The following GMDS variants were observed in gnomAD, a reference collection of about 807,000 sequenced individuals.
GMDS encodes the protein GDP-mannose 4,6 dehydratase.
A neutral mutation model predicts 49.9 loss-of-function variants in GMDS; 20 were observed. The observed-to-expected ratio is 0.40, with a 90% CI of 0.28 to 0.58. The LOEUF (loss-of-function observed/expected upper bound fraction) is 0.58. GMDS is among the 20% of genes least tolerant of loss of function. The pLI, the probability that GMDS is intolerant of heterozygous loss-of-function variation, is 0.42. For synonymous variants in GMDS, 177 were observed against 178.6 expected (o/e 0.99, Z 0.07); for missense variants, 362 against 481.4 (o/e 0.75, Z 2.32).
At position 1,759,110 on chromosome 6, in the gene GMDS, CAAT is replaced by C. The variant is rs1319826481; in HGVS notation, c.772-16527_772-16525del. Among the ~76,000 whole-genome samples the C allele has an allele frequency of 2.0e-5, 3 of 152,112 alleles. No homozygotes were observed. In the East Asian group the frequency reaches 5.8e-4, roughly 29 times the overall value. ...GCTAATTTTTTCATCAGGATGATGA[CAAT>C]GATGATTACGTATCTTGAGGGAGTT... On this transcript the variant is annotated intron_variant, in intron 7 of 10. Transcript: ENST00000380815.
chr6:2,005,420 A>T (rs1230625901), intron 4 of GMDS, among the ~76,000 whole-genome samples: 2 of 152,148 alleles, frequency 1.3e-5, no homozygotes, highest in Admixed American at 6.5e-5. Context: ...AAGCAGAGAC[A>T]AATTTATGTG....
chr6:1,833,794 T>C lies in GMDS; in HGVS notation c.772-91208A>G, dbSNP rs1362633767. ...AAGGGAAATTTATGAAGGCAGAAAT[T>C]AATACCAAACCCAAACTGCTCATTA... On this transcript the variant is annotated intron_variant, in intron 7 of 10. Transcript: ENST00000380815. This position sits in a 1 kb window ranked among gnomAD's most constrained non-coding sequence, Gnocchi z 4.4. Among the ~76,000 whole-genome samples, 1 of 152,234 alleles carries C rather than the reference T, an allele frequency of 6.6e-6. No individual in the cohort carries two copies. Among genetic ancestry groups the C allele is most frequent in the African/African-American group, 2.4e-5 (1 of 41,468 alleles).
chr6:1,883,130 C>A (rs533720443), intron 7 of GMDS, among the ~76,000 whole-genome samples: 11 of 152,092 alleles, frequency 7.2e-5, no homozygotes, highest in Admixed American at 2.0e-4. Flanking sequence ...GGGCCGGGTG[C>A]GGTGGCAATC....
chr6:2,079,019 CTTTT>C (rs386405902), intron 4 of GMDS, among the ~76,000 whole-genome samples: 407 of 33,956 alleles, frequency 0.012, 1 homozygote, highest in African/African-American at 0.028. Flanking sequence ...ATGACCTTGT[CTTTT>C]TTTTTTTTTT....
chr6:1,820,434 T>C (rs574505432), intron 7 of GMDS, among the ~76,000 whole-genome samples: 4 of 152,304 alleles, frequency 2.6e-5, no homozygotes, highest in South Asian at 4.1e-4. Flanking sequence ...CTTGCAAATA[T>C]AAGAAATAAC....
chr6:2,076,589 C>A (rs1372575182), intron 4 of GMDS, among the ~76,000 whole-genome samples: 2 of 152,010 alleles, frequency 1.3e-5, no homozygotes, highest in Non-Finnish European at 2.9e-5. Context: ...CAGAACAGAG[C>A]CCTCAGAAAT....
chr6:1,730,544 A>G (rs1470467942), intron 8 of GMDS, among the ~76,000 whole-genome samples: 5 of 152,200 alleles, frequency 3.3e-5, no homozygotes, highest in Non-Finnish European at 7.3e-5. Flanking sequence ...CCTGAGGTAG[A>G]AGGTGGCTGG....
intron 4 of GMDS, among the ~76,000 whole-genome samples, chr6:2,115,040 A>C (rs1774766875): frequency 6.6e-6 from 1 of 152,156 alleles, no homozygotes; most frequent in Admixed American, 6.5e-5. Flanking sequence ...ACTTGCTTTT[A>C]TTTCTCAGGT....
At chr6:1,790,277 A>G in intron 7 of GMDS, among the ~76,000 whole-genome samples, 1 of 152,240 alleles carries the variant, frequency 6.6e-6, no homozygotes, top group East Asian at 1.9e-4. Flanking sequence ...GCCAATAATT[A>G]GCAATAATAA....
At chr6:1,805,502 G>A (rs764736191) in intron 7 of GMDS, among the ~76,000 whole-genome samples, 2 of 152,082 alleles carry the variant, frequency 1.3e-5, no homozygotes, top group Non-Finnish European at 2.9e-5. Context: ...GCTTTCGTTT[G>A]GTCTTCAAGG....
intron 7 of GMDS, among the ~76,000 whole-genome samples, chr6:1,780,478 G>A (rs1308811988): frequency 6.6e-6 from 1 of 152,204 alleles, no homozygotes; most frequent in Non-Finnish European, 1.5e-5. Context: ...TGCTGGCCTG[G>A]GAGAGGACGG....
chr6:1,685,468 A>G (rs1764944931), intron 9 of GMDS, among the ~76,000 whole-genome samples: 1 of 152,150 alleles, frequency 6.6e-6, no homozygotes, highest in Admixed American at 6.5e-5. Flanking sequence ...TTGTTTGCTA[A>G]GCGACTTTAG....
intron 9 of GMDS, among the ~76,000 whole-genome samples, chr6:1,693,808 T>G (rs75244235): frequency 0.052 from 7,962 of 152,284 alleles, 516 homozygotes; most frequent in African/African-American, 0.14. Context: ...TTGTTTTCTC[T>G]GTTATCATTT....
chr6:1,893,281 C>A (rs1249324865), intron 7 of GMDS, among the ~76,000 whole-genome samples: 1 of 150,910 alleles, frequency 6.6e-6, no homozygotes, highest in African/African-American at 2.4e-5. Context: ...GAAACCTCCA[C>A]CTCCCGGGTT....
At chr6:2,232,199 C>T (rs1362785008) in intron 1 of GMDS, among the ~76,000 whole-genome samples, 3 of 151,362 alleles carry the variant, frequency 2.0e-5, no homozygotes, top group Non-Finnish European at 4.4e-5. Flanking sequence ...CAATTTGTTA[C>T]TCCTAAGATT....
At chr6:2,080,108 C>G (rs1476421477) in intron 4 of GMDS, among the ~76,000 whole-genome samples, 1 of 152,084 alleles carries the variant, frequency 6.6e-6, no homozygotes, top group Non-Finnish European at 1.5e-5. Flanking sequence ...ATTGTTGAAT[C>G]TAACATTTTT....
chr6:2,064,000 C>T (rs940711014), intron 4 of GMDS, among the ~76,000 whole-genome samples: 2 of 152,104 alleles, frequency 1.3e-5, no homozygotes, highest in Non-Finnish European at 2.9e-5. Context: ...AAGTGTCGGG[C>T]AAATTGAGTT....
chr6:1,896,666 G>T lies in GMDS; in HGVS notation c.771+33437C>A, dbSNP rs977736348. On this transcript the variant is annotated intron_variant, in intron 7 of 10. Transcript: ENST00000380815. The stretch of plus-strand genomic sequence containing the variant: ...CATGAAGGTGTTGGTGTGCTGCAGG[G>T]GTTGTATCAAAGTTAGATTTCATCG... 3.9e-5 allele frequency among the ~76,000 whole-genome samples: 6 copies of T among 152,214 alleles called. No homozygotes were observed. In the South Asian group the frequency reaches 1.0e-3, roughly 26 times the overall value.
At chr6:2,146,053 C>A (rs530861663) in intron 1 of GMDS, among the ~76,000 whole-genome samples, 14 of 152,258 alleles carry the variant, frequency 9.2e-5, no homozygotes, top group African/African-American at 3.4e-4. Context: ...CATGAAAGAT[C>A]CTGAGTTTTC....
Sources: gnomAD v4.1 joint callset for allele counts (sites outside exome capture counted in the v4.1 genomes callset) on GRCh38, gnomAD v4.1.1 for gene constraint, Gnocchi (gnomAD v3.1) non-coding constraint, MANE v1.5 for transcripts, NCBI Gene and HGNC (gene_info 2026-07-23, HGNC 2026-07-21) for gene names.